Variants in HMGB1 observed in about 807,000 individuals in gnomAD.
The protein encoded by HMGB1 is high mobility group box 1.
For synonymous variants in HMGB1, 81 were observed against 84.0 expected (o/e 0.96, Z 0.19); for missense variants, 79 against 253.5 (o/e 0.31, Z 4.67).
intron 1 of HMGB1, among the ~76,000 whole-genome samples, chr13:30,488,242 A>G (rs1463154653): frequency 6.6e-6 from 1 of 152,242 alleles, no homozygotes; most frequent in East Asian, 1.9e-4. Flanking sequence ...ATAGCCGACC[A>G]GTAAACTTCA....
intron 1 of HMGB1, among the ~76,000 whole-genome samples, chr13:30,563,562 A>C (rs901271170): frequency 6.6e-6 from 1 of 152,188 alleles, no homozygotes; most frequent in African/African-American, 2.4e-5. Context: ...GCGTGCTGTG[A>C]CTGTGCCACT....
chr13:30,510,525 T>C (rs1263308559), intron 1 of HMGB1, among the ~76,000 whole-genome samples: 2 of 150,452 alleles, frequency 1.3e-5, no homozygotes, highest in African/African-American at 5.0e-5. Flanking sequence ...TGCCTATTCC[T>C]TTCAAGCTAT....
At chr13:30,538,685 C>T (rs9551934) in intron 1 of HMGB1, among the ~76,000 whole-genome samples, 38 of 6,290 alleles carry the variant, frequency 6.0e-3, no homozygotes, top group Admixed American at 0.013. Context: ...TCTTTCTTTC[C>T]TTTCTTTCTT....
At chr13:30,465,707 C>G in intron 1 of HMGB1, 89 bp downstream of exon 1, 1 of 675,526 alleles carries the variant, frequency 1.5e-6, no homozygotes, top group South Asian at 6.6e-5. Flanking sequence ...TCCTGACCCG[C>G]CGGCTCCCGG....
intron 1 of HMGB1, among the ~76,000 whole-genome samples, chr13:30,615,626 G>C (rs1950552987): frequency 6.6e-6 from 1 of 152,106 alleles, no homozygotes; most frequent in African/African-American, 2.4e-5. Context: ...CTCATAGAGT[G>C]CTTCTAGAAA....
At chr13:30,564,948 T>C (rs1182067810) in intron 1 of HMGB1, among the ~76,000 whole-genome samples, 1 of 152,128 alleles carries the variant, frequency 6.6e-6, no homozygotes, top group South Asian at 2.1e-4. Flanking sequence ...AGAACCATGG[T>C]CTCCTAATGC....
At chr13:30,491,707 C>T (rs1887497412) in intron 1 of HMGB1, among the ~76,000 whole-genome samples, 1 of 151,252 alleles carries the variant, frequency 6.6e-6, no homozygotes, top group East Asian at 1.9e-4. Context: ...ACTTTTACAT[C>T]ATGCTACATA....
chr13:30,467,502 C>T (rs974757908), upstream of HMGB1, among the ~76,000 whole-genome samples: 3 of 152,140 alleles, frequency 2.0e-5, no homozygotes, highest in Admixed American at 1.3e-4. Context: ...ATATATCACA[C>T]ATGCACATGA....
rs77794813 is a variant in HMGB1, at chr13:30,550,802, G to A, written c.-15+65869C>T. 8.6e-3 allele frequency among the ~76,000 whole-genome samples: 1,304 copies of A among 152,234 alleles called. 9 individuals are homozygous for A. The highest frequency in any genetic ancestry group is 0.029 in the African/African-American group (1,201 of 41,534). On this transcript the variant is annotated intron_variant, in intron 1 of 4. Coordinates refer to the HMGB1 transcript ENST00000405805. The stretch of plus-strand genomic sequence containing the variant: ...AATATAAATGTTTCCTACTTTGTAC[G>A]TTCTTTAAATTCATGTGTCATATAT...
At chr13:30,483,788 A>AT (rs1462056420) in intron 1 of HMGB1, among the ~76,000 whole-genome samples, 1 of 151,518 alleles carries the variant, frequency 6.6e-6, no homozygotes, top group Non-Finnish European at 1.5e-5. Context: ...TAATTTTTAA[A>AT]TTTTTTGTAG....
chr13:30,591,413 A>G (rs1871364737), intron 1 of HMGB1, among the ~76,000 whole-genome samples: 1 of 152,208 alleles, frequency 6.6e-6, no homozygotes, highest in Admixed American at 6.5e-5. Context: ...TTGATATAAA[A>G]AAGAAACACC....
At chr13:30,464,223 G>C (rs1041095811) in intron 1 of HMGB1, 9 of 985,284 alleles carry the variant, frequency 9.1e-6, no homozygotes, top group Non-Finnish European at 1.1e-5. Context: ...AGAGGGAGCA[G>C]CAGCCAGCTC....
intron 1 of HMGB1, among the ~76,000 whole-genome samples, chr13:30,578,565 ATC>A (rs928141357): frequency 5.9e-5 from 9 of 151,744 alleles, no homozygotes; most frequent in Admixed American, 2.0e-4. Context: ...CCTAACTCTA[ATC>A]TCTCTTTTCT....
rs139373396 is a variant in HMGB1, at chr13:30,472,306, A to G, written c.-14-8612T>C. ...AATAAAAAACTCTGACGTAAAAAAA[A>G]TACGACATGCAAGGCCAGGCACAGT... On this transcript the variant is annotated intron_variant, in intron 1 of 4. Coordinates refer to the HMGB1 transcript ENST00000405805. Among the ~76,000 whole-genome samples the G allele has an allele frequency of 1.4e-4, 21 of 152,282 alleles. No individual in the cohort carries two copies. In the East Asian group the frequency reaches 4.1e-3, roughly 29 times the overall value.
At chr13:30,599,001 G>A (rs999435644) in intron 1 of HMGB1, among the ~76,000 whole-genome samples, 9 of 152,020 alleles carry the variant, frequency 5.9e-5, no homozygotes, top group African/African-American at 1.9e-4. Context: ...TTAAAGGAAT[G>A]GGGTCTCACT....
intron 1 of HMGB1, among the ~76,000 whole-genome samples, chr13:30,585,787 C>T (rs116046790): frequency 0.012 from 1,773 of 152,304 alleles, 38 homozygotes; most frequent in African/African-American, 0.041. Flanking sequence ...AGCTCACTCC[C>T]ATGAATACAC....
intron 1 of HMGB1, among the ~76,000 whole-genome samples, chr13:30,584,781 C>G (rs370894597): frequency 2.2e-4 from 34 of 152,240 alleles, no homozygotes; most frequent in African/African-American, 2.6e-4. Context: ...AAAATGCTTA[C>G]AATTAACACA....
intron 1 of HMGB1, among the ~76,000 whole-genome samples, chr13:30,576,669 G>A (rs554765674): frequency 6.6e-5 from 10 of 151,598 alleles, no homozygotes; most frequent in Non-Finnish European, 1.3e-4. Flanking sequence ...CACACACGTC[G>A]CTGCCTCTCT....
chr13:30,601,232 A>G (rs1351578846), intron 1 of HMGB1, among the ~76,000 whole-genome samples: 3 of 152,182 alleles, frequency 2.0e-5, no homozygotes, highest in Non-Finnish European at 2.9e-5. Flanking sequence ...CCCAAAACCT[A>G]TAAGAAGTAA....
Sources: gnomAD v4.1 joint callset for allele counts (sites outside exome capture counted in the v4.1 genomes callset) on GRCh38, gnomAD v4.1.1 for gene constraint, MANE v1.5 for transcripts, NCBI Gene and HGNC (gene_info 2026-07-23, HGNC 2026-07-21) for gene names.